LRP1B: variants seen among roughly 807,000 people sequenced by gnomAD.
The protein encoded by LRP1B is LDL receptor related protein 1B, also known as low-density lipoprotein receptor-related protein 1B.
In LRP1B, 217 loss-of-function variants were observed where a neutral mutation model predicts 556.6. The ratio of observed to expected loss-of-function variants is 0.39; its 90% CI spans 0.35 to 0.44. LRP1B has a LOEUF of 0.44. Ranked by LOEUF, LRP1B falls within the 20% of genes least tolerant of loss-of-function variation. LRP1B has a pLI of 1.00. For synonymous variants in LRP1B, 2,047 were observed against 1,865.8 expected, an observed-to-expected ratio of 1.10 and a Z score of -2.50; for missense variants, 5,053 against 5,620.8, an observed-to-expected ratio of 0.90 and a Z score of 3.23.
At chr2:141,249,461 G>A (rs1342683997) in intron 4 of LRP1B, among the ~76,000 whole-genome samples, 1 of 152,148 alleles carries the variant, frequency 6.6e-6, no homozygotes, top group Non-Finnish European at 1.5e-5. Flanking sequence ...GCCAGGCATG[G>A]TGGTGTACAC....
intron 3 of LRP1B, among the ~76,000 whole-genome samples, chr2:141,369,089 T>C (rs1006541284): frequency 1.3e-5 from 2 of 152,116 alleles, no homozygotes; most frequent in African/African-American, 4.8e-5. Flanking sequence ...TAGTATCATT[T>C]AGGAAGCATA....
At chr2:140,667,413 A>G (rs1025035478) in intron 41 of LRP1B, among the ~76,000 whole-genome samples, 2 of 152,202 alleles carry the variant, frequency 1.3e-5, no homozygotes, top group Non-Finnish European at 2.9e-5. Context: ...ACATGAGTGC[A>G]CACCTAGGTT....
At chr2:140,505,536 T>A (rs768387683) in intron 53 of LRP1B, among the ~76,000 whole-genome samples, 1 of 152,216 alleles carries the variant, frequency 6.6e-6, no homozygotes, top group Non-Finnish European at 1.5e-5. Context: ...CATTCATCTG[T>A]GACTTTTCCA....
chr2:140,610,655 G>A (rs1683038351), intron 41 of LRP1B, among the ~76,000 whole-genome samples: 1 of 152,144 alleles, frequency 6.6e-6, no homozygotes, highest in Non-Finnish European at 1.5e-5. Flanking sequence ...GTGCGATCTT[G>A]GCTCACTGCA....
chr2:141,889,877 TAGC>T (rs1010880013), intron 1 of LRP1B, among the ~76,000 whole-genome samples: 1 of 152,158 alleles, frequency 6.6e-6, no homozygotes, highest in African/African-American at 2.4e-5. Context: ...CTGAATTTTG[TAGC>T]AGATTTCTTT....
chr2:140,487,536 G>A (rs2105366296), intron 58 of LRP1B, 81 bp downstream of exon 58: 1 of 1,326,758 alleles, frequency 7.5e-7, no homozygotes, highest in Non-Finnish European at 1.1e-6. Context: ...GTAATATCAT[G>A]GTCATAAAAT....
chr2:140,989,755 TAG>T, intron 16 of LRP1B, 98 bp from the exon 17 acceptor site: 2 of 1,157,110 alleles, frequency 1.7e-6, no homozygotes, highest in Non-Finnish European at 2.5e-6. Context: ...AATAATATTA[TAG>T]TACAATAAAT....
chr2:141,167,171 T>C (rs1680304461), intron 7 of LRP1B: 1 of 151,908 alleles, frequency 6.6e-6, no homozygotes, highest in Non-Finnish European at 1.5e-5. Context: ...AAATCCTCAT[T>C]TGATATCATT....
intron 60 of LRP1B, among the ~76,000 whole-genome samples, chr2:140,459,493 T>C (rs1301005030): frequency 6.6e-6 from 1 of 152,154 alleles, no homozygotes; most frequent in Non-Finnish European, 1.5e-5. Flanking sequence ...CCATAAGAGA[T>C]TCAGTTTACT....
intron 32 of LRP1B, among the ~76,000 whole-genome samples, chr2:140,788,469 A>T (rs12621181): frequency 0.43 from 65,098 of 151,572 alleles, 15,609 homozygotes; most frequent in East Asian, 0.58. Context: ...AAAAAATAAT[A>T]TATATTACCT....
intron 47 of LRP1B, among the ~76,000 whole-genome samples, chr2:140,527,827 G>C (rs906138223): frequency 1.3e-4 from 19 of 151,108 alleles, no homozygotes; most frequent in African/African-American, 4.6e-4. Context: ...TTTTGTTTTT[G>C]GCTTCACTGT....
chr2:141,873,910 C>T lies in LRP1B; in HGVS notation c.83-63509G>A, dbSNP rs184961598. On this transcript the variant is annotated intron_variant, in intron 1 of 90. Transcript: ENST00000389484. Reference sequence around the variant, plus strand: ...GAGAGTATAGCCTAGTGAATTTTCACGACTAGAACACTCTCTTTTAACAAG... The same window carrying T: ...GAGAGTATAGCCTAGTGAATTTTCATGACTAGAACACTCTCTTTTAACAAG... Among the ~76,000 whole-genome samples, 10 of 151,648 alleles carry T rather than the reference C, an allele frequency of 6.6e-5. No homozygotes were observed. In the East Asian group the frequency reaches 7.8e-4, roughly 12 times the overall value.
chr2:140,358,403 G>A (rs928407774), intron 73 of LRP1B, among the ~76,000 whole-genome samples: 17 of 151,554 alleles, frequency 1.1e-4, no homozygotes, highest in African/African-American at 4.1e-4. Context: ...CTCCAATTAG[G>A]TCAGGTCAAG....
chr2:141,483,768 G>C (rs1031146157), intron 2 of LRP1B, among the ~76,000 whole-genome samples: 1 of 151,894 alleles, frequency 6.6e-6, no homozygotes, highest in Non-Finnish European at 1.5e-5. Flanking sequence ...CTTCTTTTGA[G>C]AAGTGTCTGT....
intron 27 of LRP1B, among the ~76,000 whole-genome samples, chr2:140,856,974 C>T (rs1692638854): frequency 3.9e-5 from 6 of 152,122 alleles, no homozygotes; most frequent in Admixed American, 3.3e-4. Context: ...AACTACAATA[C>T]TTCATAGGAG....
chr2:140,482,801 C>T (rs1222765615), intron 59 of LRP1B, among the ~76,000 whole-genome samples: 1 of 151,944 alleles, frequency 6.6e-6, no homozygotes, highest in Non-Finnish European at 1.5e-5. Context: ...AAATTCTTAC[C>T]TTTTCTTCAC....
chr2:141,123,158 G>A (rs1405816856), intron 7 of LRP1B, among the ~76,000 whole-genome samples: 1 of 151,456 alleles, frequency 6.6e-6, no homozygotes, highest in African/African-American at 2.4e-5. Flanking sequence ...AAGTTAATGG[G>A]TGCAGCACAC....
chr2:141,116,315 A>G (rs1381294323), intron 7 of LRP1B, among the ~76,000 whole-genome samples: 1 of 152,190 alleles, frequency 6.6e-6, no homozygotes, highest in East Asian at 1.9e-4. Context: ...TAAAATTTGT[A>G]ACTGTATGTT....
intron 2 of LRP1B, among the ~76,000 whole-genome samples, chr2:141,731,424 T>C (rs936217361): frequency 2.0e-5 from 3 of 152,130 alleles, no homozygotes; most frequent in African/African-American, 4.8e-5. Flanking sequence ...GTTCCACTTG[T>C]CTTTTAATTA....
Sources: gnomAD v4.1 joint callset for allele counts (sites outside exome capture counted in the v4.1 genomes callset) on GRCh38, gnomAD v4.1.1 for gene constraint, MANE v1.5 for transcripts, NCBI Gene and HGNC (gene_info 2026-07-23, HGNC 2026-07-21) for gene names.